Variants in RPIA observed in about 807,000 individuals in gnomAD.
The protein encoded by RPIA is ribose 5-phosphate isomerase A, also known as ribose-5-phosphate isomerase.
Under a neutral mutation model 37.8 loss-of-function variants are expected in RPIA, and 29 were observed. The ratio of observed to expected loss-of-function variants is 0.77; its 90% CI spans 0.57 to 1.05. The LOEUF (loss-of-function observed/expected upper bound fraction) is 1.05. Ranked by LOEUF, RPIA falls within the 50% of genes least tolerant of loss-of-function variation. RPIA has a pLI of 0.00. For missense variants in RPIA, 385 were observed against 413.6 expected, an observed-to-expected ratio of 0.93 and a Z score of 0.60; for synonymous variants, 167 against 157.0, an observed-to-expected ratio of 1.06 and a Z score of -0.48.
Position 88,691,806 on chromosome 2 carries a change from C to A in RPIA, c.108C>A (p.Leu36=), listed in dbSNP as rs756833574. 1 of 1,595,392 alleles carries A rather than the reference C, an allele frequency of 6.3e-7. No individual in the cohort carries two copies. The highest frequency in any genetic ancestry group is 2.3e-5 in the East Asian group (1 of 44,390). The change falls in exon 1 of 9, where the codon CTC becomes CTA. Residue 36 remains leucine, a synonymous_variant. Coordinates refer to ENST00000283646, the MANE Select transcript of RPIA (RefSeq NM_144563.3). ...GCGGAGGAGGGAACAGCTGGGACCT[C>A]CCGGGTTCCCACGTGCGGCTGCCGG... ...ASGGGGNSWD[L]PGSHVRLPGR...
intron 6 of RPIA, 93 bp downstream of exon 6, chr2:88,735,830 G>A: frequency 8.2e-7 from 1 of 1,223,822 alleles, no homozygotes; most frequent in South Asian, 1.2e-5. Flanking sequence ...ATGGAGAGCT[G>A]CAGGGACTGT....
intron 8 of RPIA, among the ~76,000 whole-genome samples, chr2:88,738,948 G>A (rs765415234): frequency 1.2e-4 from 18 of 152,198 alleles, no homozygotes; most frequent in Non-Finnish European, 2.1e-4. Flanking sequence ...AGGAGAGGCT[G>A]TGTGAAATGA....
chr2:88,697,116 A>C (rs1672757009), intron 1 of RPIA, among the ~76,000 whole-genome samples: 1 of 152,228 alleles, frequency 6.6e-6, no homozygotes, highest in Non-Finnish European at 1.5e-5. Flanking sequence ...TGCAAGTTAA[A>C]GTGTATCTCT....
Position 88,750,869 on chromosome 2 carries a change from G to A in RPIA, c.*791G>A, listed in dbSNP as rs1673497447. 2.5e-6 allele frequency: 1 copy of A among 396,462 alleles called. No homozygotes were observed. Among genetic ancestry groups the A allele is most frequent in the African/African-American group, 2.1e-5 (1 of 48,472 alleles). 24.6% of individuals were successfully genotyped at this position (396,462 alleles called of 1,614,324 possible). A position where few individuals can be genotyped will look rare whatever the true frequency, so the allele number is the denominator to read the frequency against. On this transcript the variant is annotated 3_prime_UTR_variant, in exon 9 of 9. Transcript: ENST00000283646. ...CCTTTGTTATTACTTGCATGGTTTG[G>A]CGTCAGAAGTCCTTACCTCTTTATA...
At chr2:88,714,088 C>T (rs573405762) in intron 3 of RPIA, among the ~76,000 whole-genome samples, 84 of 151,998 alleles carry the variant, frequency 5.5e-4, no homozygotes, top group African/African-American at 1.9e-3. Context: ...ATGTAACAAC[C>T]AACACAATGA....
At chr2:88,737,779 A>C (rs76468102) in intron 7 of RPIA, among the ~76,000 whole-genome samples, 198 bp from the exon 8 acceptor site, 4 of 124,736 alleles carry the variant, frequency 3.2e-5, no homozygotes, top group African/African-American at 1.5e-4. Context: ...TCTCTCTCTC[A>C]AAAAAAAAAA....
intron 8 of RPIA, 80 bp downstream of exon 8, chr2:88,738,156 CA>C (rs1321581772): frequency 6.2e-5 from 62 of 999,152 alleles, no homozygotes. Flanking sequence ...ACAGAAGGCA[CA>C]ATGGACATGG....
chr2:88,741,611 A>G (rs554475004), intron 8 of RPIA, among the ~76,000 whole-genome samples: 3 of 152,348 alleles, frequency 2.0e-5, no homozygotes, highest in African/African-American at 4.8e-5. Context: ...TGCTGGATCA[A>G]ATAAATGGTA....
chr2:88,735,466 G>A (rs939294871), intron 5 of RPIA, among the ~76,000 whole-genome samples: 2 of 152,214 alleles, frequency 1.3e-5, no homozygotes, highest in African/African-American at 4.8e-5. Flanking sequence ...TGCTTTCTAG[G>A]TTTCTCCCAG....
At chr2:88,702,748 A>C (rs933822006) in intron 3 of RPIA, among the ~76,000 whole-genome samples, 2 of 152,196 alleles carry the variant, frequency 1.3e-5, no homozygotes, top group Admixed American at 6.5e-5. Flanking sequence ...ATGTCCTTGC[A>C]TTTCAAAACC....
intron 8 of RPIA, among the ~76,000 whole-genome samples, chr2:88,747,926 A>G (rs1354912175): frequency 3.3e-5 from 5 of 152,204 alleles, no homozygotes; most frequent in East Asian, 1.9e-4. Context: ...AAAGTTCACA[A>G]TGTGTGTCTC....
At chr2:88,724,413 T>C (rs540675477) in intron 3 of RPIA, among the ~76,000 whole-genome samples, 2 of 152,278 alleles carry the variant, frequency 1.3e-5, no homozygotes, top group East Asian at 3.9e-4. Flanking sequence ...TTCAAGTGAT[T>C]CTAATGCCTC....
At position 88,749,981 on chromosome 2, in the gene RPIA, G is replaced by A; in HGVS notation, c.839G>A (p.Gly280Asp). The change falls in exon 9 of 9, where the codon GGT (glycine) becomes GAT (aspartate). Residue 280 changes from glycine (G) to aspartate (D), a missense_variant and splice_region_variant. Gly to Asp is a moderately conservative substitution (Grantham distance 94). Around this residue, in one of 2 missense-constraint regions of RPIA, gnomAD observed 153 missense variants for 210.6 expected, o/e 0.73. Coordinates refer to ENST00000283646, the MANE Select transcript of RPIA (RefSeq NM_144563.3). ...EVNTAIKMIPGVVDTGLFINM... is the reference protein window; with the variant it reads ...EVNTAIKMIPDVVDTGLFINM... Reference sequence around the variant, plus strand: ...TTTCTTTCTGTCCTTTGTCCTGCAGGTGTGGTGGACACAGGCCTATTCATC... The same window carrying A: ...TTTCTTTCTGTCCTTTGTCCTGCAGATGTGGTGGACACAGGCCTATTCATC... 1.2e-6 allele frequency: 2 copies of A among 1,609,068 alleles called. No individual in the cohort carries two copies. Among genetic ancestry groups the A allele is most frequent in the Non-Finnish European group, 1.7e-6 (2 of 1,175,660 alleles).
chr2:88,734,426 G>A, intron 4 of RPIA, 126 bp from the exon 5 acceptor site: 1 of 875,772 alleles, frequency 1.1e-6, no homozygotes, highest in Non-Finnish European at 1.9e-6. Context: ...TTCTTGATTT[G>A]CTAAATGGGA....
In RPIA at chr2:88,691,934, A is replaced by G; in HGVS notation, c.236A>G (p.Glu79Gly). 1 of 1,599,452 alleles carries G rather than the reference A, an allele frequency of 6.3e-7. No homozygotes were observed. The highest frequency in any genetic ancestry group is 8.5e-7 in the Non-Finnish European group (1 of 1,173,728). Residue 79 changes from glutamate (E) to glycine (G), a missense_variant, in exon 1 of 9, where the codon GAG becomes GGG. Physicochemically the swap from Glu to Gly is moderately conservative, Grantham distance 98 (BLOSUM62 -2). Coordinates refer to ENST00000283646, the MANE Select transcript of RPIA (RefSeq NM_144563.3). Reference protein sequence around the residue: ...CPAPSTMSKAEEAKKLAGRAA... With the variant: ...CPAPSTMSKAGEAKKLAGRAA... Reference sequence around the variant, plus strand: ...GCCCCCTCCACGATGTCCAAGGCCGAGGAGGCCAAGAAGCTGGCGGGCCGC... The same window carrying G: ...GCCCCCTCCACGATGTCCAAGGCCGGGGAGGCCAAGAAGCTGGCGGGCCGC...
At chr2:88,695,270 C>T (rs1283220554) in intron 1 of RPIA, among the ~76,000 whole-genome samples, 1 of 152,198 alleles carries the variant, frequency 6.6e-6, no homozygotes, top group African/African-American at 2.4e-5. Context: ...GCTGTCAAGT[C>T]AGAAGTTCTG....
chr2:88,694,774 G>T (rs1182833289), intron 1 of RPIA, among the ~76,000 whole-genome samples: 1 of 152,038 alleles, frequency 6.6e-6, no homozygotes, highest in Non-Finnish European at 1.5e-5. Flanking sequence ...TACGTCATAA[G>T]ATCCCCATTT....
At chr2:88,735,794 G>A (rs1457373341) in intron 6 of RPIA, 57 bp downstream of exon 6, 7 of 1,523,188 alleles carry the variant, frequency 4.6e-6, no homozygotes, top group East Asian at 2.3e-5. Context: ...TCCCCAAGCC[G>A]CATCCCCATT....
chr2:88,737,150 A>G (rs758883047), intron 7 of RPIA, among the ~76,000 whole-genome samples: 9 of 152,080 alleles, frequency 5.9e-5, no homozygotes, highest in Non-Finnish European at 1.0e-4. Flanking sequence ...CCCAAGGAAT[A>G]CTCTCCAGAT....
Sources: allele counts gnomAD v4.1 joint callset (sites outside exome capture counted in the v4.1 genomes callset), GRCh38; gene constraint gnomAD v4.1.1; regional missense constraint gnomAD v4.1.1; transcripts MANE v1.5; gene names NCBI Gene and HGNC (gene_info 2026-07-23, HGNC 2026-07-21).